Variants in PDE1C observed in about 807,000 individuals in gnomAD.
PDE1C encodes phosphodiesterase 1C.
In PDE1C, 62 loss-of-function variants were observed where a neutral mutation model predicts 93.1. The observed-to-expected ratio is 0.67, with a 90% CI of 0.54 to 0.82. The LOEUF (loss-of-function observed/expected upper bound fraction) is 0.82. Ranked by LOEUF, PDE1C falls within the 40% of genes least tolerant of loss-of-function variation. The pLI is 0.00. For synonymous variants in PDE1C, 325 were observed against 310.1 expected (o/e 1.05, Z -0.50); for missense variants, 742 against 884.6 (o/e 0.84, Z 2.04).
chr7:31,719,075 T>C, the PDE1C span, among the ~76,000 whole-genome samples: 2 of 152,190 alleles, frequency 1.3e-5, no homozygotes, highest in East Asian at 1.9e-4. Context: ...GGAGGTAGGA[T>C]AGAGGCAGGG....
chr7:32,404,807 G>T (rs1435036835), intron 1 of PDE1C, among the ~76,000 whole-genome samples: 1 of 152,196 alleles, frequency 6.6e-6, no homozygotes, highest in Non-Finnish European at 1.5e-5. Flanking sequence ...TTGAAACACT[G>T]CATGGGAGAT....
chr7:32,074,154 CA>C (rs1329856667), upstream of PDE1C, among the ~76,000 whole-genome samples: 3 of 152,042 alleles, frequency 2.0e-5, no homozygotes, highest in Non-Finnish European at 4.4e-5. Context: ...TTAAGTATCA[CA>C]AAAGATTAGG....
At chr7:31,747,095 G>C (rs1432126306), downstream of PDE1C, among the ~76,000 whole-genome samples, 1 of 152,208 alleles carries the variant, frequency 6.6e-6, no homozygotes. Context: ...TGCCATTGCT[G>C]CTGGTCCTGA....
At chr7:32,170,758 G>A (rs1338474412) in intron 2 of PDE1C, among the ~76,000 whole-genome samples, 6 of 151,736 alleles carry the variant, frequency 4.0e-5, no homozygotes, top group East Asian at 1.9e-4. Context: ...CTCCCTTGTC[G>A]CCCCACTCTC....
intron 2 of PDE1C, among the ~76,000 whole-genome samples, chr7:32,031,431 T>C (rs1053966753): frequency 6.6e-6 from 1 of 152,036 alleles, no homozygotes; most frequent in Non-Finnish European, 1.5e-5. Flanking sequence ...GAATCTAAAC[T>C]CCAGGTCTAG....
At chr7:31,963,897 A>G (rs1809443266) in intron 2 of PDE1C, among the ~76,000 whole-genome samples, 1 of 152,246 alleles carries the variant, frequency 6.6e-6, no homozygotes, top group South Asian at 2.1e-4. Flanking sequence ...AAAATCTGTT[A>G]GCACTTATGG....
intron 2 of PDE1C, among the ~76,000 whole-genome samples, chr7:31,888,572 G>T (rs1798253639): frequency 6.6e-6 from 1 of 151,750 alleles, no homozygotes; most frequent in African/African-American, 2.4e-5. Flanking sequence ...AAAGGTAAAA[G>T]GATATCATAA....
chr7:32,148,335 GTAAT>G (rs1475548733), intron 3 of PDE1C, among the ~76,000 whole-genome samples: 1 of 152,054 alleles, frequency 6.6e-6, no homozygotes, highest in Non-Finnish European at 1.5e-5. Context: ...ATTTCAGTAT[GTAAT>G]TAATATTAAA....
At chr7:31,754,833 A>G (rs1408068092) in intron 17 of PDE1C, among the ~76,000 whole-genome samples, 1 of 152,208 alleles carries the variant, frequency 6.6e-6, no homozygotes, top group Non-Finnish European at 1.5e-5. Flanking sequence ...GACACTACAC[A>G]TTTGTCAAGA....
At chr7:31,886,395 G>T (rs892541934) in intron 2 of PDE1C, among the ~76,000 whole-genome samples, 1 of 152,166 alleles carries the variant, frequency 6.6e-6, no homozygotes. Context: ...GCCATTGTTT[G>T]TTTCTATAAT....
chr7:31,690,421 G>A, the PDE1C span, among the ~76,000 whole-genome samples: 1 of 152,190 alleles, frequency 6.6e-6, no homozygotes, highest in Non-Finnish European at 1.5e-5. Context: ...ATATGTTTCT[G>A]GGTGCCAGAC....
chr7:31,864,881 C>T (rs1795096117), intron 7 of PDE1C, 61 bp downstream of exon 7: 4 of 1,528,726 alleles, frequency 2.6e-6, no homozygotes, highest in Non-Finnish European at 3.6e-6. Flanking sequence ...TTGGAACAGT[C>T]ACCATTAAAA....
the PDE1C span, among the ~76,000 whole-genome samples, chr7:31,730,394 C>T: frequency 6.6e-6 from 1 of 152,184 alleles, no homozygotes; most frequent in African/African-American, 2.4e-5. Flanking sequence ...AGGGTCACCT[C>T]AGGGCCACTC....
At chr7:32,298,997 G>A (rs77273789) in exon 1 of PDE1C, 38,301 of 1,269,074 alleles carry the variant, frequency 0.03, 720 homozygotes, top group African/African-American at 0.071. Flanking sequence ...TCCAGAGGCG[G>A]CGAGAGGAGT....
At chr7:32,349,003 T>C (rs1012849774) in intron 1 of PDE1C, among the ~76,000 whole-genome samples, 1 of 152,216 alleles carries the variant, frequency 6.6e-6, no homozygotes. Context: ...AAGAAGACAG[T>C]CTAACAGAAC....
intron 3 of PDE1C, among the ~76,000 whole-genome samples, chr7:32,088,657 G>A (rs1312303335): frequency 6.6e-6 from 1 of 152,226 alleles, no homozygotes; most frequent in Non-Finnish European, 1.5e-5. Context: ...TGTTTGCAAA[G>A]CAGAGGAAAA....
intron 17 of PDE1C, among the ~76,000 whole-genome samples, chr7:31,768,509 GT>G (rs778541616): frequency 3.3e-5 from 5 of 152,150 alleles, no homozygotes; most frequent in Admixed American, 6.5e-5. Context: ...ATGCTATTAT[GT>G]TTCCATTATT....
the PDE1C span, among the ~76,000 whole-genome samples, chr7:31,624,461 A>AGATC: frequency 1.9e-5 from 2 of 106,362 alleles, no homozygotes; most frequent in Non-Finnish European, 3.9e-5. Context: ...CCTCAGAAAT[A>AGATC]ACGCCACATA....
downstream of PDE1C, among the ~76,000 whole-genome samples, chr7:31,747,672 TGAG>T (rs1346326527): frequency 3.3e-5 from 5 of 152,112 alleles, no homozygotes; most frequent in African/African-American, 4.8e-5. Context: ...GGCTCTGAGT[TGAG>T]GAGATTTTAT....
Sources: gnomAD v4.1 joint callset for allele counts (sites outside exome capture counted in the v4.1 genomes callset) on GRCh38, gnomAD v4.1.1 for gene constraint, MANE v1.5 for transcripts, NCBI Gene and HGNC (gene_info 2026-07-23, HGNC 2026-07-21) for gene names.